Variants in PLEKHH2 observed in about 807,000 individuals in gnomAD.
The protein encoded by PLEKHH2 is pleckstrin homology, MyTH4 and FERM domain containing H2, also known as pleckstrin homology domain-containing family H member 2.
In PLEKHH2, 129 loss-of-function variants were observed where a neutral mutation model predicts 187.9. That is an observed-to-expected ratio of 0.69 (90% CI 0.59 to 0.79). The LOEUF is 0.79. Ranked by LOEUF, PLEKHH2 falls within the 30% of genes least tolerant of loss-of-function variation. The probability of loss-of-function intolerance (pLI) is 0.00; values close to 1 mark genes in which losing one functional copy is unlikely to be tolerated. For synonymous variants in PLEKHH2, 686 were observed against 605.6 expected, an observed-to-expected ratio of 1.13 and a Z score of -1.95; for missense variants, 2,076 against 1,751.2, an observed-to-expected ratio of 1.19 and a Z score of -3.31.
At chr2:43,702,678 T>A (rs1669439765) in intron 8 of PLEKHH2, among the ~76,000 whole-genome samples, 1 of 152,182 alleles carries the variant, frequency 6.6e-6, no homozygotes, top group Non-Finnish European at 1.5e-5. Flanking sequence ...ATTTTCAGGT[T>A]TCAAGGAAAA....
At chr2:43,759,591 C>A (rs112027172) in intron 27 of PLEKHH2, among the ~76,000 whole-genome samples, 1 of 152,186 alleles carries the variant, frequency 6.6e-6, no homozygotes, top group Non-Finnish European at 1.5e-5. Context: ...AAAAATTATG[C>A]CTTTTGATTC....
chr2:43,753,723 AAGATCTGGCATT>A lies in PLEKHH2; in HGVS notation c.3762_3773del (p.Asp1254_Leu1257del). ...ATAAATGGACTTTTTCCTCTGAACA[AAGATCTGGCATT>A]AGAAATGGCAGCTCTTTTATCTCAG... On this transcript the variant is annotated inframe_deletion, in exon 25 of 30. Coordinates refer to ENST00000282406, the MANE Select transcript of PLEKHH2 (RefSeq NM_172069.4). The A allele has an allele frequency of 6.3e-7, 1 of 1,580,650 alleles. No individual in the cohort carries two copies. Among genetic ancestry groups the A allele is most frequent in the Non-Finnish European group, 8.6e-7 (1 of 1,168,268 alleles).
intron 26 of PLEKHH2, among the ~76,000 whole-genome samples, chr2:43,757,666 T>C (rs1421206792): frequency 1.3e-5 from 2 of 152,078 alleles, no homozygotes; most frequent in Non-Finnish European, 2.9e-5. Context: ...GAACTGCCTG[T>C]CTCAGCCTCC....
intron 3 of PLEKHH2, chr2:43,679,512 T>C: frequency 3.7e-6 from 1 of 267,296 alleles, no homozygotes; most frequent in Non-Finnish European, 7.1e-6. Flanking sequence ...TTTTTTTTTT[T>C]TGAGACGGAA....
intron 23 of PLEKHH2, among the ~76,000 whole-genome samples, chr2:43,745,182 G>A (rs998568468): frequency 1.3e-5 from 2 of 152,124 alleles, no homozygotes; most frequent in African/African-American, 4.8e-5. Flanking sequence ...CAGGCATGGC[G>A]GCGGGTGCCT....
chr2:43,755,534 C>G (rs1473371779), intron 25 of PLEKHH2, among the ~76,000 whole-genome samples: 1 of 152,152 alleles, frequency 6.6e-6, no homozygotes, highest in Non-Finnish European at 1.5e-5. Context: ...TTCCACTTAT[C>G]TATTGCTACA....
chr2:43,681,757 G>C, intron 3 of PLEKHH2: 1 of 461,462 alleles, frequency 2.2e-6, no homozygotes, highest in South Asian at 3.2e-5. Context: ...TTTCGGGTCT[G>C]AGAGCCTACT....
At chr2:43,649,381 T>G (rs748773373) in intron 2 of PLEKHH2, among the ~76,000 whole-genome samples, 19 of 152,336 alleles carry the variant, frequency 1.2e-4, no homozygotes, top group Non-Finnish European at 1.0e-4. Flanking sequence ...ATATGAAGAA[T>G]TTTCCCTTTG....
intron 3 of PLEKHH2, among the ~76,000 whole-genome samples, chr2:43,688,301 A>G (rs1426182057): frequency 6.6e-6 from 1 of 152,266 alleles, no homozygotes; most frequent in Non-Finnish European, 1.5e-5. Context: ...ACAAATCTAA[A>G]CAAATCAACA....
At position 43,693,756 on chromosome 2, in the gene PLEKHH2, G is replaced by A. The variant is rs1037214904; in HGVS notation, c.337-675G>A. 5.4e-5 allele frequency among the ~76,000 whole-genome samples: 7 copies of A among 129,716 alleles called. No individual in the cohort carries two copies. The South Asian group carries it at 1.2e-3, about 23-fold the overall frequency. The allele number at this position is 129,716 out of a possible 152,430, so 85.1% of individuals were successfully genotyped here. On this transcript the variant is annotated intron_variant, in intron 4 of 29. Coordinates refer to ENST00000282406, the MANE Select transcript of PLEKHH2 (RefSeq NM_172069.4). ...AAAAAAAAAAGGAAAAAATTGCACT[G>A]GGGATTGGGGTTATGTACTTAATGC...
At chr2:43,668,573 A>T (rs974381040) in intron 2 of PLEKHH2, among the ~76,000 whole-genome samples, 2 of 152,204 alleles carry the variant, frequency 1.3e-5, no homozygotes, top group African/African-American at 4.8e-5. Context: ...CAACATTGCA[A>T]ATGAACTTCT....
At chr2:43,735,679 T>G (rs555817109) in intron 19 of PLEKHH2, among the ~76,000 whole-genome samples, 14 of 152,218 alleles carry the variant, frequency 9.2e-5, no homozygotes, top group Non-Finnish European at 1.3e-4. Context: ...ATCAAAAAAT[T>G]CATATGCTCC....
At position 43,759,212 on chromosome 2, in the gene PLEKHH2, C is replaced by G. The variant is rs1399729968; in HGVS notation, c.4071+183C>G. Among the ~76,000 whole-genome samples, 2 of 152,136 alleles carry G rather than the reference C, an allele frequency of 1.3e-5. 1 individual carries two copies. Among genetic ancestry groups the G allele is most frequent in the African/African-American group, 4.8e-5 (2 of 41,420 alleles). On this transcript the variant is annotated intron_variant, in intron 27 of 29. Coordinates refer to ENST00000282406, the MANE Select transcript of PLEKHH2 (RefSeq NM_172069.4). ...AGCTTCTCTATCTTTTCCTCTCTGC[C>G]CAACTTTTCCCACCCTAAATCATTT...
chr2:43,734,046 C>A (rs766567367), intron 19 of PLEKHH2, among the ~76,000 whole-genome samples: 39 of 151,972 alleles, frequency 2.6e-4, no homozygotes, highest in Middle Eastern at 3.2e-3. Context: ...TTTAAATTGT[C>A]CCAAAGCATA....
chr2:43,649,583 T>A (rs189548091), intron 2 of PLEKHH2, among the ~76,000 whole-genome samples: 2 of 152,234 alleles, frequency 1.3e-5, no homozygotes, highest in African/African-American at 4.8e-5. Context: ...TACAATATCA[T>A]GATTAACCTA....
chr2:43,726,171 A>G, intron 16 of PLEKHH2, 101 bp from the exon 17 acceptor site: 1 of 778,570 alleles, frequency 1.3e-6, no homozygotes, highest in Non-Finnish European at 2.0e-6. Flanking sequence ...AAATTTTTAA[A>G]GGTATGCTTT....
intron 2 of PLEKHH2, among the ~76,000 whole-genome samples, chr2:43,668,839 A>C (rs180988049): frequency 6.6e-6 from 1 of 152,136 alleles, no homozygotes; most frequent in African/African-American, 2.4e-5. Context: ...CAACTCTTCA[A>C]TTTGTGTTTC....
At chr2:43,650,716 A>T (rs1293550671) in intron 2 of PLEKHH2, among the ~76,000 whole-genome samples, 3 of 148,720 alleles carry the variant, frequency 2.0e-5, no homozygotes, top group African/African-American at 7.5e-5. Flanking sequence ...TACGATCTCT[A>T]CTCACTGCAA....
intron 27 of PLEKHH2, among the ~76,000 whole-genome samples, chr2:43,760,359 CTTTTTTTTTTTT>C (rs763777313): frequency 8.4e-6 from 1 of 119,076 alleles, no homozygotes; most frequent in East Asian, 2.2e-4. Flanking sequence ...ACCCTTTAAC[CTTTTTTTTTTTT>C]TTTTTTTTTG....
Sources: allele counts gnomAD v4.1 joint callset (sites outside exome capture counted in the v4.1 genomes callset), GRCh38; gene constraint gnomAD v4.1.1; transcripts MANE v1.5; gene names NCBI Gene and HGNC (gene_info 2026-07-23, HGNC 2026-07-21).